Variants in UBE2D2 observed in about 807,000 individuals in gnomAD.
UBE2D2 encodes ubiquitin conjugating enzyme E2 D2.
UBE2D2 carries 2 observed loss-of-function variants against 24.2 expected under a neutral mutation model. The observed-to-expected ratio is 0.08, with a 90% CI of 0.03 to 0.26. The LOEUF is 0.26. Among genes scored for constraint, UBE2D2 ranks in the 10% least tolerant of loss-of-function variants. The probability of loss-of-function intolerance (pLI) is 1.00; values close to 1 mark genes in which losing one functional copy is unlikely to be tolerated. For synonymous variants in UBE2D2, 58 were observed against 56.5 expected (o/e 1.03, Z -0.12); for missense variants, 44 against 177.6 (o/e 0.25, Z 4.28).
intron 1 of UBE2D2, among the ~76,000 whole-genome samples, chr5:139,533,186 C>CT (rs971638284): frequency 4.6e-5 from 7 of 151,750 alleles, no homozygotes; most frequent in Non-Finnish European, 1.0e-4. Context: ...CACATACACA[C>CT]TTTTTTTGGT....
At chr5:139,556,144 G>GA (rs894424589) in intron 1 of UBE2D2, among the ~76,000 whole-genome samples, 3 of 151,356 alleles carry the variant, frequency 2.0e-5, no homozygotes, top group Non-Finnish European at 4.4e-5. Context: ...GCTGAGGAAG[G>GA]AAAATCACTT....
At chr5:139,530,502 C>G (rs1003062822) in intron 1 of UBE2D2, among the ~76,000 whole-genome samples, 1 of 152,158 alleles carries the variant, frequency 6.6e-6, no homozygotes, top group African/African-American at 2.4e-5. Context: ...ATGAGGATAT[C>G]GAACCCCTAT....
At chr5:139,579,109 A>G (rs1273163264) in intron 1 of UBE2D2, among the ~76,000 whole-genome samples, 2 of 152,130 alleles carry the variant, frequency 1.3e-5, no homozygotes, top group African/African-American at 2.4e-5. Context: ...CTTGAATTAC[A>G]GGTGTGTGCC....
rs192343386 is a variant in UBE2D2 at position 139,538,949 on chromosome 5, T to G, written c.-64+12337T>G. Reference sequence around the variant, plus strand: ...TTAAGTACATTGCAGAATGAAATACTAGTTGGCAACAAAAGGGACGAATGT... The same window carrying G: ...TTAAGTACATTGCAGAATGAAATACGAGTTGGCAACAAAAGGGACGAATGT... On this transcript the variant is annotated intron_variant, in intron 1 of 6. Coordinates refer to the UBE2D2 transcript ENST00000511725. Among the ~76,000 whole-genome samples the G allele has an allele frequency of 3.9e-3, 596 of 152,190 alleles. 4 individuals carry two copies. The highest frequency in any genetic ancestry group is 6.4e-3 in the Admixed American group (98 of 15,272).
intron 1 of UBE2D2, chr5:139,555,039 TTTTTG>T (rs1360401235): frequency 2.0e-5 from 3 of 152,122 alleles, no homozygotes; most frequent in Non-Finnish European, 4.4e-5. Context: ...CTCTTATTTT[TTTTTG>T]TTTTTTGTTT....
intron 1 of UBE2D2, among the ~76,000 whole-genome samples, chr5:139,531,823 A>AACAAAT (rs1367084312): frequency 6.6e-6 from 1 of 151,634 alleles, no homozygotes; most frequent in Non-Finnish European, 1.5e-5. Context: ...CAAAAACAAA[A>AACAAAT]ACAAAAACAA....
chr5:139,589,824 G>A (rs746480220), intron 1 of UBE2D2, among the ~76,000 whole-genome samples: 3 of 151,904 alleles, frequency 2.0e-5, no homozygotes, highest in South Asian at 4.2e-4. Context: ...TTGCTCCGTC[G>A]CCCAGGCTGG....
At chr5:139,549,444 C>G (rs1490805748) in intron 1 of UBE2D2, among the ~76,000 whole-genome samples, 1 of 152,210 alleles carries the variant, frequency 6.6e-6, no homozygotes, top group African/African-American at 2.4e-5. Flanking sequence ...TCCGAGCGGC[C>G]GGCTGGCGCC....
At chr5:139,582,860 T>C (rs1347604455) in intron 1 of UBE2D2, among the ~76,000 whole-genome samples, 1 of 151,714 alleles carries the variant, frequency 6.6e-6, no homozygotes, top group Admixed American at 6.6e-5. Flanking sequence ...TTAGTAGAGA[T>C]GGGGTTTCAC....
chr5:139,558,223 G>A (rs1753006517), upstream of UBE2D2, among the ~76,000 whole-genome samples: 1 of 152,164 alleles, frequency 6.6e-6, no homozygotes, highest in African/African-American at 2.4e-5. Context: ...TTATATGCTA[G>A]AATACAAAGC....
At chr5:139,595,622 CTG>C (rs1753942080) in intron 1 of UBE2D2, among the ~76,000 whole-genome samples, 1 of 152,026 alleles carries the variant, frequency 6.6e-6, no homozygotes, top group African/African-American at 2.4e-5. Flanking sequence ...AGGTGAGCCA[CTG>C]TGCCCAGCCA....
intron 1 of UBE2D2, among the ~76,000 whole-genome samples, chr5:139,552,052 TAAAC>T (rs1752926492): frequency 6.6e-6 from 1 of 152,100 alleles, no homozygotes; most frequent in African/African-American, 2.4e-5. Flanking sequence ...ATTCCTTGGA[TAAAC>T]CACTGTTCCC....
chr5:139,565,355 C>A (rs1391243045), intron 1 of UBE2D2, among the ~76,000 whole-genome samples: 5 of 152,146 alleles, frequency 3.3e-5, no homozygotes, highest in African/African-American at 1.2e-4. Flanking sequence ...ATAAGCAGAG[C>A]ATAGCAAAGA....
intron 6 of UBE2D2, 84 bp from the exon 7 acceptor site, chr5:139,626,672 A>G (rs1221319737): frequency 1.4e-5 from 16 of 1,164,310 alleles, no homozygotes; most frequent in Non-Finnish European, 1.7e-5. Context: ...ACTCTCTTCA[A>G]GTTACTTGAT....
intron 6 of UBE2D2, among the ~76,000 whole-genome samples, chr5:139,624,170 A>G (rs910843891): frequency 1.3e-5 from 2 of 152,240 alleles, no homozygotes; most frequent in Admixed American, 6.5e-5. Context: ...AATAAATGCC[A>G]TTAGACGTGA....
At chr5:139,556,083 A>C (rs1752978146) in intron 1 of UBE2D2, among the ~76,000 whole-genome samples, 1 of 151,536 alleles carries the variant, frequency 6.6e-6, no homozygotes, top group South Asian at 2.1e-4. Context: ...CTAAAAATAC[A>C]AAATCATCTG....
Position 139,550,961 on chromosome 5 carries a change from C to G in UBE2D2, c.-64+24349C>G, listed in dbSNP as rs1176506669. On this transcript the variant is annotated intron_variant, in intron 1 of 6. Coordinates refer to the UBE2D2 transcript ENST00000511725. ...GAACCCACCAATTCCAGATACACCA[C>G]AGTATCATTGTACTACACGGCTCTC... Among the ~76,000 whole-genome samples, 6 of 152,154 alleles carry G rather than the reference C, an allele frequency of 3.9e-5. No individual in the cohort carries two copies. The East Asian group carries it at 1.2e-3, about 29-fold the overall frequency.
intron 6 of UBE2D2, among the ~76,000 whole-genome samples, chr5:139,626,273 T>C (rs1754626673): frequency 6.6e-6 from 1 of 152,128 alleles, no homozygotes; most frequent in South Asian, 2.1e-4. Context: ...TTTTATCATG[T>C]TGCCCAGGCT....
At chr5:139,562,112 T>G in intron 1 of UBE2D2, 2 of 1,029,602 alleles carry the variant, frequency 1.9e-6, no homozygotes, top group Non-Finnish European at 2.7e-6. Flanking sequence ...CCGCTGCACT[T>G]GAGGGCCATT....
Sources: gnomAD v4.1 joint callset for allele counts (sites outside exome capture counted in the v4.1 genomes callset) on GRCh38, gnomAD v4.1.1 for gene constraint, MANE v1.5 for transcripts, NCBI Gene and HGNC (gene_info 2026-07-23, HGNC 2026-07-21) for gene names.